The following TCF3 variants were observed in gnomAD, a reference collection of about 807,000 sequenced individuals.
The protein encoded by TCF3 is transcription factor E2-alpha.
In TCF3, 54 loss-of-function variants were observed where a neutral mutation model predicts 72.3. The observed-to-expected ratio is 0.75, with a 90% CI of 0.60 to 0.94. TCF3 has a LOEUF of 0.94. TCF3 is among the 40% of genes least tolerant of loss of function. The pLI is 0.00. For missense variants in TCF3, 1,078 were observed against 934.4 expected, an observed-to-expected ratio of 1.15 and a Z score of -2.00; for synonymous variants, 525 against 412.6, an observed-to-expected ratio of 1.27 and a Z score of -3.30.
rs1021822185 is a variant in TCF3, at chr19:1,615,825, C to A, written c.1451-4G>T. 6.4e-7 allele frequency: 1 copy of A among 1,552,420 alleles called. No individual in the cohort carries two copies. Among genetic ancestry groups the A allele is most frequent in the South Asian group, 1.2e-5 (1 of 81,166 alleles). On this transcript the variant is annotated splice_region_variant and splice_polypyrimidine_tract_variant and intron_variant, in intron 16 of 18. Transcript: ENST00000262965. This position sits in a 1 kb window ranked among gnomAD's most constrained non-coding sequence, Gnocchi z 7.3. ...GTGGCACCTGCTCGCCCTAGCCCTG[C>A]AACAGGCCTAGGGTCAGGGGCCTGC...
chr19:1,650,171 G>A lies in TCF3; in HGVS notation c.72+6C>T. 2.6e-6 allele frequency: 4 copies of A among 1,565,442 alleles called. No individual in the cohort carries two copies. The highest frequency in any genetic ancestry group is 2.3e-5 in the East Asian group (1 of 43,288). On this transcript the variant is annotated splice_donor_region_variant and intron_variant, in intron 2 of 18. Transcript: ENST00000262965. ...TGTCGGGGGCTGGGCGGGGGTCCTG[G>A]CTCACCATGCTGAAGTCCAGGAGGT...
intron 3 of TCF3, among the ~76,000 whole-genome samples, chr19:1,641,104 G>A (rs1324165472): frequency 6.7e-6 from 1 of 149,722 alleles, no homozygotes; most frequent in East Asian, 2.0e-4. Flanking sequence ...GGAGGTTGCA[G>A]TGAGCTGAGA....
intron 18 of TCF3, chr19:1,612,387 G>T: frequency 6.2e-7 from 1 of 1,613,856 alleles, no homozygotes; most frequent in Non-Finnish European, 8.5e-7. Context: ...CGCCTCTCCC[G>T]GTCCCTCAGG....
chr19:1,624,010 G>A lies in TCF3; in HGVS notation c.500-10C>T, dbSNP rs1462346850. 1.2e-6 allele frequency: 2 copies of A among 1,613,270 alleles called. No individual in the cohort carries two copies. The highest frequency in any genetic ancestry group is 1.7e-5 in the Admixed American group (1 of 59,994). ...TTCTTGGGCTGCGTGTCTGTTAGAA[G>A]CAAAAGGGGTGAGAACCGGCCACCG... On this transcript the variant is annotated splice_polypyrimidine_tract_variant and intron_variant, in intron 7 of 18. Coordinates refer to ENST00000262965, the MANE Select transcript of TCF3 (RefSeq NM_003200.5).
rs774647657 is a variant in TCF3 at position 1,619,820 on chromosome 19, C to A, written c.1127G>T (p.Gly376Val). ...CCCGTCGTAGCTGGGCGATAAGGCA[C>A]CGGGGGCTCCTGCTCGAGGCCACTG... The part of the protein sequence containing the change: ...TSQWPRAGAP[G>V]ALSPSYDGGL... Residue 376 changes from glycine (G) to valine (V), a missense_variant, in exon 14 of 19, where the codon GGT becomes GTT. By Grantham distance (109) the Gly-to-Val change is moderately radical. Coordinates refer to ENST00000262965, the MANE Select transcript of TCF3 (RefSeq NM_003200.5). 59 of 1,577,092 alleles carry A rather than the reference C, an allele frequency of 3.7e-5. No homozygotes were observed. In the South Asian group the frequency reaches 4.8e-4, roughly 13 times the overall value.
At chr19:1,626,722 A>G (rs1171598345) in intron 6 of TCF3, among the ~76,000 whole-genome samples, 2 of 152,072 alleles carry the variant, frequency 1.3e-5, no homozygotes, top group African/African-American at 2.4e-5. Context: ...ACTGATAGGG[A>G]AACGCGCATC....
At chr19:1,619,750 A>AGGGGGG (rs1555726055) in intron 14 of TCF3, 30 bp downstream of exon 14, 107 of 923,112 alleles carry the variant, frequency 1.2e-4, no homozygotes, top group East Asian at 8.7e-4. Context: ...CTGTCGGGGA[A>AGGGGGG]GGGTGGGGTG....
chr19:1,650,135 A>G lies in TCF3; in HGVS notation c.72+42T>C, dbSNP rs1860661. 0.47 allele frequency: 714,830 copies of G among 1,515,796 alleles called. 183,382 individuals are homozygous for G. Among genetic ancestry groups the G allele is most frequent in the East Asian group, 0.9 (37,215 of 41,284 alleles). 93.9% of individuals were successfully genotyped at this position (1,515,796 alleles called of 1,614,324 possible). A position where few individuals can be genotyped will look rare whatever the true frequency, so the allele number is the denominator to read the frequency against. Reference sequence around the variant, plus strand: ...CTGAAAACCTTCCCGTGAACTGTGGAGGCAAAGGGGTGTCGGGGGCTGGGC... The same window carrying G: ...CTGAAAACCTTCCCGTGAACTGTGGGGGCAAAGGGGTGTCGGGGGCTGGGC... On this transcript the variant is annotated intron_variant, in intron 2 of 18. Coordinates refer to ENST00000262965, the MANE Select transcript of TCF3 (RefSeq NM_003200.5).
chr19:1,612,136 G>A lies in TCF3; in HGVS notation c.1823-287C>T, dbSNP rs1295217514. The A allele has an allele frequency of 3.3e-5, 47 of 1,439,756 alleles. 1 individual carries two copies. In the East Asian group the frequency reaches 3.4e-4, roughly 10 times the overall value. 89.2% of individuals were successfully genotyped at this position (1,439,756 alleles called of 1,614,324 possible). A position where few individuals can be genotyped will look rare whatever the true frequency, so the allele number is the denominator to read the frequency against. On this transcript the variant is annotated intron_variant, in intron 18 of 18. Coordinates refer to ENST00000262965, the MANE Select transcript of TCF3 (RefSeq NM_003200.5). ...GAGTCCGGGGGCGGCAAGCACAGGA[G>A]GACCCCAGCATCTGCACCTGGGTGT...
intron 3 of TCF3, among the ~76,000 whole-genome samples, chr19:1,643,762 G>A (rs1293357681): frequency 6.6e-6 from 1 of 152,236 alleles, no homozygotes; most frequent in Non-Finnish European, 1.5e-5. Flanking sequence ...GAAAACTTAT[G>A]TTTAATTAAT....
chr19:1,625,777 A>C, intron 6 of TCF3, 69 bp from the exon 7 acceptor site: 1 of 1,425,138 alleles, frequency 7.0e-7, no homozygotes, highest in African/African-American at 1.5e-5. Context: ...CATTCAAGAA[A>C]AAACTGCAAA....
At position 1,636,222 on chromosome 19, in the gene TCF3, C is replaced by T. The variant is rs527554531; in HGVS notation, c.146-3817G>A. On this transcript the variant is annotated intron_variant, in intron 3 of 18. Coordinates refer to ENST00000262965, the MANE Select transcript of TCF3 (RefSeq NM_003200.5). ...TTGCCCAGGCTGGAGTGCAGTGGTGCGATCTTGGCTCACTGCAACCTCCGC... is the reference window on the plus strand; with the variant it reads ...TTGCCCAGGCTGGAGTGCAGTGGTGTGATCTTGGCTCACTGCAACCTCCGC... Among the ~76,000 whole-genome samples the T allele has an allele frequency of 1.1e-4, 17 of 152,006 alleles. No individual in the cohort carries two copies. The East Asian group carries it at 2.3e-3, about 21-fold the overall frequency.
intron 5 of TCF3, among the ~76,000 whole-genome samples, chr19:1,630,036 C>T (rs2063510130): frequency 1.3e-5 from 2 of 152,214 alleles, no homozygotes; most frequent in Admixed American, 1.3e-4. Context: ...CCGGGACCCC[C>T]GCCTGCCCTC....
At chr19:1,637,161 C>T (rs2064539119) in intron 3 of TCF3, among the ~76,000 whole-genome samples, 1 of 151,916 alleles carries the variant, frequency 6.6e-6, no homozygotes, top group Admixed American at 6.6e-5. Flanking sequence ...CCTCCTCCAC[C>T]AGAACCAGGG....
At position 1,625,559 on chromosome 19, in the gene TCF3, G is replaced by GGCCAGACCCCGCTCACCTAGGCTGCC; in HGVS notation, c.490_499+16dup. The GGCCAGACCCCGCTCACCTAGGCTGCC allele has an allele frequency of 1.9e-6, 3 of 1,565,450 alleles. No homozygotes were observed. Among genetic ancestry groups the GGCCAGACCCCGCTCACCTAGGCTGCC allele is most frequent in the Non-Finnish European group, 2.6e-6 (3 of 1,161,234 alleles). ...CCCTCCCAGAAGCCCCCGATGCCCC[G>GGCCAGACCCCGCTCACCTAGGCTGCC]GCCAGACCCCGCTCACCTAGGCTGC... On this transcript the variant is annotated intron_variant, in intron 7 of 18. Transcript: ENST00000262965.
chr19:1,644,024 G>A (rs1347736594), intron 3 of TCF3, among the ~76,000 whole-genome samples: 3 of 152,232 alleles, frequency 2.0e-5, no homozygotes, highest in South Asian at 2.1e-4. Flanking sequence ...GTTCCAGGAA[G>A]AAGCCGAGGT....
Position 1,619,214 on chromosome 19 carries a change from C to G in TCF3, c.1347G>C (p.Glu449Asp). ...GGCTGGTGCTGCCTGCGAGGCCGTC[C>G]TCGGGGTGGCTGCCTCCAACCTGCA... ...HAGLVGGSHP[E>D]DGLAGSTSLM... The change falls in exon 16 of 19, where the codon GAG becomes GAC. Residue 449 changes from glutamate to aspartate, a missense_variant. Glu to Asp is a conservative substitution (Grantham distance 45). Transcript: ENST00000262965. 6.3e-7 allele frequency: 1 copy of G among 1,596,912 alleles called. No homozygotes were observed. The highest frequency in any genetic ancestry group is 1.1e-5 in the South Asian group (1 of 90,580).
At chr19:1,627,479 G>A (rs1164948629) in intron 5 of TCF3, 53 bp from the exon 6 acceptor site, 1 of 1,562,696 alleles carries the variant, frequency 6.4e-7, no homozygotes, top group Non-Finnish European at 8.8e-7. Flanking sequence ...AACATCCTGA[G>A]GGCCCCCGAG....
chr19:1,621,169 G>A lies in TCF3; in HGVS notation c.978C>T (p.Gly326=). Residue 326 remains glycine, a synonymous_variant, in exon 12 of 19, where the codon GGC becomes GGT. Coordinates refer to ENST00000262965, the MANE Select transcript of TCF3 (RefSeq NM_003200.5). ...SLLGSRGTTA[G]SSGDALGKAL... ...CTTTGCCGAGGGCATCCCCGGAGCT[G>A]CCAGCTGTGGTCCCTCGGGAGCCTG... 6.5e-7 allele frequency: 1 copy of A among 1,538,284 alleles called. No homozygotes were observed. The highest frequency in any genetic ancestry group is 1.2e-5 in the South Asian group (1 of 83,998).
Sources: allele counts gnomAD v4.1 joint callset (sites outside exome capture counted in the v4.1 genomes callset), GRCh38; gene constraint gnomAD v4.1.1; non-coding constraint Gnocchi (gnomAD v3.1); transcripts MANE v1.5; gene names NCBI Gene and HGNC (gene_info 2026-07-23, HGNC 2026-07-21).